Variants in MBP observed in about 807,000 individuals in gnomAD.
MBP encodes Golli-MBP.
Under a neutral mutation model 35.8 loss-of-function variants are expected in MBP, and 16 were observed. The ratio of observed to expected loss-of-function variants is 0.45; its 90% CI spans 0.30 to 0.68. MBP has a LOEUF of 0.68. Ranked by LOEUF, MBP falls within the 30% of genes least tolerant of loss-of-function variation. MBP has a pLI of 0.08. For missense variants in MBP, 380 were observed against 404.7 expected (o/e 0.94, Z 0.52); for synonymous variants, 143 against 159.6 (o/e 0.90, Z 0.78).
chr18:77,122,694 C>G (rs903500192), intron 1 of MBP, among the ~76,000 whole-genome samples: 9 of 152,304 alleles, frequency 5.9e-5, no homozygotes, highest in Non-Finnish European at 1.2e-4. Flanking sequence ...AGGCGCCCAC[C>G]ACCACGCCTG....
At chr18:77,084,805 T>C (rs1975155350) in intron 2 of MBP, among the ~76,000 whole-genome samples, 1 of 152,210 alleles carries the variant, frequency 6.6e-6, no homozygotes, top group African/African-American at 2.4e-5. Flanking sequence ...TTAACCAGTG[T>C]CACCATCAGA....
intron 2 of MBP, 43 bp downstream of exon 2, chr18:77,105,168 A>G: frequency 6.2e-7 from 1 of 1,601,504 alleles, no homozygotes; most frequent in Non-Finnish European, 8.5e-7. Context: ...TGTGTTTAAT[A>G]AGAAAACAAC....
chr18:77,050,981 T>C (rs1973465651), intron 3 of MBP, among the ~76,000 whole-genome samples: 1 of 152,214 alleles, frequency 6.6e-6, no homozygotes, highest in African/African-American at 2.4e-5. Context: ...TATTTGCCTT[T>C]GGTGTTTTTG....
At chr18:77,048,216 C>T (rs1427177125) in intron 3 of MBP, among the ~76,000 whole-genome samples, 1 of 152,204 alleles carries the variant, frequency 6.6e-6, no homozygotes, top group Non-Finnish European at 1.5e-5. Context: ...CTCCTATTTC[C>T]TCATCTTTAC....
intron 3 of MBP, among the ~76,000 whole-genome samples, chr18:77,055,849 G>C (rs922673160): frequency 6.6e-6 from 1 of 152,186 alleles, no homozygotes; most frequent in African/African-American, 2.4e-5. Flanking sequence ...TGGTGACTTT[G>C]CAAACCCAGA....
chr18:77,118,662 ACT>A (rs1491276002), intron 1 of MBP, among the ~76,000 whole-genome samples: 67 of 114,130 alleles, frequency 5.9e-4, no homozygotes, highest in Admixed American at 2.4e-3. Context: ...ACACACACAC[ACT>A]ACATACCACA....
intron 2 of MBP, among the ~76,000 whole-genome samples, chr18:77,084,009 GT>G (rs33974021): frequency 0.73 from 109,951 of 151,208 alleles, 40,299 homozygotes; most frequent in East Asian, 0.83. Context: ...CAATAAAGCT[GT>G]TTTTTTTTTT....
chr18:77,055,585 T>TTCTTTC (rs1973686833), intron 3 of MBP, among the ~76,000 whole-genome samples: 1 of 151,072 alleles, frequency 6.6e-6, no homozygotes, highest in Non-Finnish European at 1.5e-5. Context: ...TTCTCTTTCT[T>TTCTTTC]TCTCTCTCTC....
intron 4 of MBP, chr18:77,014,459 G>A (rs1971515981): frequency 1.0e-6 from 1 of 985,392 alleles, no homozygotes; most frequent in African/African-American, 1.7e-5. Flanking sequence ...GTGGTCCTGA[G>A]AGACAGGGCC....
At position 76,979,670 on chromosome 18, in the gene MBP, C is replaced by G; in HGVS notation, c.*757G>C. 1 of 462,830 alleles carries G rather than the reference C, an allele frequency of 2.2e-6. No homozygotes were observed. The highest frequency in any genetic ancestry group is 3.9e-6 in the Non-Finnish European group (1 of 256,556). 28.7% of individuals were successfully genotyped at this position (462,830 alleles called of 1,614,324 possible). A position where few individuals can be genotyped will look rare whatever the true frequency, so the allele number is the denominator to read the frequency against. Reference sequence around the variant, plus strand: ...CGTCCAGAGGCCACCTGCTTGACATCTCCATCACCAAATCTCCAGGAAGAC... The same window carrying G: ...CGTCCAGAGGCCACCTGCTTGACATGTCCATCACCAAATCTCCAGGAAGAC... On this transcript the variant is annotated 3_prime_UTR_variant, in exon 9 of 9. Coordinates refer to ENST00000355994, the MANE Select transcript of MBP (RefSeq NM_001025101.2).
At chr18:77,016,799 TAAAC>T in intron 4 of MBP, 29 bp downstream of exon 4, 1 of 1,606,736 alleles carries the variant, frequency 6.2e-7, no homozygotes, top group Admixed American at 1.7e-5. Context: ...TTTTTCCATT[TAAAC>T]TAAAACTCCT....
Position 76,989,173 on chromosome 18 carries a change from G to A in MBP, c.682-261C>T, listed in dbSNP as rs1006613156. On this transcript the variant is annotated intron_variant, in intron 5 of 8. Coordinates refer to ENST00000355994, the MANE Select transcript of MBP (RefSeq NM_001025101.2). The surrounding 1 kb of genome is among the most constrained non-coding windows in gnomAD (Gnocchi z 4.0). ...CACCTCCCAGAGGCTCCGTAGCTGG[G>A]GAATGGGCCCATCTTGGGACACTGA... 1.5e-6 allele frequency: 1 copy of A among 656,156 alleles called. No individual in the cohort carries two copies. The highest frequency in any genetic ancestry group is 2.8e-6 in the Non-Finnish European group (1 of 355,994). The allele number at this position is 656,156 out of a possible 1,614,324, so 40.6% of individuals were successfully genotyped here. A position where few individuals can be genotyped will look rare whatever the true frequency, so the allele number is the denominator to read the frequency against.
intron 3 of MBP, among the ~76,000 whole-genome samples, chr18:77,054,357 A>G (rs1459362608): frequency 6.6e-6 from 1 of 152,218 alleles, no homozygotes; most frequent in Non-Finnish European, 1.5e-5. Context: ...TCTGGGCAAG[A>G]GACTTAAGGA....
intron 3 of MBP, among the ~76,000 whole-genome samples, chr18:77,030,683 T>C (rs1037259161): frequency 1.3e-5 from 2 of 152,266 alleles, no homozygotes; most frequent in African/African-American, 4.8e-5. Flanking sequence ...AAGGAAACTA[T>C]TATTGTGGAA....
At chr18:77,049,420 T>A (rs1973392042) in intron 3 of MBP, among the ~76,000 whole-genome samples, 1 of 152,258 alleles carries the variant, frequency 6.6e-6, no homozygotes, top group Non-Finnish European at 1.5e-5. Context: ...ATTTATAGTC[T>A]GTTTCTTTTG....
At chr18:77,033,757 CCCATCCATCCATCCAT>C (rs145059208) in intron 3 of MBP, among the ~76,000 whole-genome samples, 7 of 120,568 alleles carry the variant, frequency 5.8e-5, no homozygotes, top group Middle Eastern at 4.1e-3. Flanking sequence ...CATCAATCCA[CCCATCCATCCATCCAT>C]CCATCCATCC....
intron 4 of MBP, among the ~76,000 whole-genome samples, chr18:77,011,676 T>C (rs1393189497): frequency 2.0e-5 from 3 of 152,198 alleles, no homozygotes; most frequent in Non-Finnish European, 4.4e-5. Flanking sequence ...TTAGGAGAAA[T>C]TGTGTGTGCT....
At chr18:77,018,712 C>A (rs1489600568) in intron 3 of MBP, among the ~76,000 whole-genome samples, 1 of 147,912 alleles carries the variant, frequency 6.8e-6, no homozygotes, top group Admixed American at 6.7e-5. Flanking sequence ...ACTCATACAT[C>A]CATTCATCCA....
chr18:77,049,140 C>G (rs556744098), intron 3 of MBP, among the ~76,000 whole-genome samples: 61 of 151,312 alleles, frequency 4.0e-4, no homozygotes, highest in African/African-American at 1.4e-3. Flanking sequence ...TGGATGGTCT[C>G]GATCTCTTGA....
Sources: gnomAD v4.1 joint callset for allele counts (sites outside exome capture counted in the v4.1 genomes callset) on GRCh38, gnomAD v4.1.1 for gene constraint, Gnocchi (gnomAD v3.1) non-coding constraint, MANE v1.5 for transcripts, NCBI Gene and HGNC (gene_info 2026-07-23, HGNC 2026-07-21) for gene names.